Variants in GPBP1 observed in about 807,000 individuals in gnomAD.
GPBP1 encodes the protein vasculin.
GPBP1 carries 13 observed loss-of-function variants against 56.5 expected under a neutral mutation model. The ratio of observed to expected loss-of-function variants is 0.23; its 90% CI spans 0.15 to 0.37. The LOEUF (loss-of-function observed/expected upper bound fraction) is 0.37. Ranked by LOEUF, GPBP1 falls within the 10% of genes least tolerant of loss-of-function variation. GPBP1 has a pLI of 1.00. For synonymous variants in GPBP1, 204 were observed against 188.9 expected (o/e 1.08, Z -0.66); for missense variants, 477 against 572.3 (o/e 0.83, Z 1.70).
intron 3 of GPBP1, among the ~76,000 whole-genome samples, chr5:57,219,371 G>T (rs1755828489): frequency 1.5e-5 from 1 of 66,800 alleles, no homozygotes; most frequent in Non-Finnish European, 2.4e-5. Flanking sequence ...GCGAGACTCT[G>T]TCTCAAAAAA....
At chr5:57,237,467 G>GT (rs755226317) in intron 6 of GPBP1, 8 of 315,906 alleles carry the variant, frequency 2.5e-5, no homozygotes, top group African/African-American at 4.2e-5. Flanking sequence ...TGGTTCTACT[G>GT]TTTCAGGGTT....
intron 2 of GPBP1, among the ~76,000 whole-genome samples, chr5:57,197,360 CTTTTTT>C (rs34110209): frequency 2.5e-5 from 3 of 119,850 alleles, no homozygotes; most frequent in South Asian, 2.6e-4. Context: ...TATCATTTTG[CTTTTTT>C]TTTTTTTTTT....
chr5:57,188,605 T>C (rs1402481624), intron 2 of GPBP1, among the ~76,000 whole-genome samples: 1 of 151,876 alleles, frequency 6.6e-6, no homozygotes, highest in Non-Finnish European at 1.5e-5. Flanking sequence ...TAGCTGGGCA[T>C]GGTATTGGGT....
Position 57,242,139 on chromosome 5 carries a change from T to A in GPBP1, c.479-4161T>A, listed in dbSNP as rs188685315. Among the ~76,000 whole-genome samples, 898 of 152,316 alleles carry A rather than the reference T, an allele frequency of 5.9e-3. 5 individuals carry two copies. Among genetic ancestry groups the A allele is most frequent in the Middle Eastern group, 0.01 (3 of 294 alleles). On this transcript the variant is annotated intron_variant, in intron 6 of 11. Transcript: ENST00000506184. ...TAGATTGGTTTTATCATGTCTATCT[T>A]AAAGTTTTTCTTTTTCTTACTCTTA... is the stretch of plus-strand genomic sequence containing the variant.
At chr5:57,176,760 C>T (rs139606497) in intron 2 of GPBP1, among the ~76,000 whole-genome samples, 2 of 152,266 alleles carry the variant, frequency 1.3e-5, no homozygotes, top group East Asian at 1.9e-4. Flanking sequence ...CACGTGTCTT[C>T]CTAGCCAGTT....
At chr5:57,215,423 A>G (rs13152971) in intron 3 of GPBP1, among the ~76,000 whole-genome samples, 31,732 of 152,186 alleles carry the variant, frequency 0.21, 4,054 homozygotes, top group Middle Eastern at 0.3. Context: ...TTTGATATCA[A>G]ACCCATCCGT....
chr5:57,237,334 T>A (rs1328107197), intron 6 of GPBP1: 7 of 631,432 alleles, frequency 1.1e-5, no homozygotes, highest in Admixed American at 2.6e-5. Flanking sequence ...GCGTTTGTCA[T>A]ATAAAACTAT....
chr5:57,180,868 A>G (rs1754013076), intron 2 of GPBP1, among the ~76,000 whole-genome samples: 1 of 152,114 alleles, frequency 6.6e-6, no homozygotes, highest in South Asian at 2.1e-4. Flanking sequence ...CAGCCTCTCA[A>G]GTAGCTGGGA....
chr5:57,217,430 G>A (rs966680746), intron 3 of GPBP1, among the ~76,000 whole-genome samples: 1 of 152,114 alleles, frequency 6.6e-6, no homozygotes, highest in Admixed American at 6.5e-5. Context: ...AAATTATCCC[G>A]GTGTGGTGGT....
chr5:57,180,953 G>C (rs1433373514), intron 2 of GPBP1, among the ~76,000 whole-genome samples: 1 of 152,132 alleles, frequency 6.6e-6, no homozygotes, highest in Non-Finnish European at 1.5e-5. Flanking sequence ...TGTTGGTCAG[G>C]CTGGTCTCCA....
At chr5:57,220,406 A>G (rs1435860337) in intron 3 of GPBP1, among the ~76,000 whole-genome samples, 1 of 152,018 alleles carries the variant, frequency 6.6e-6, no homozygotes, top group East Asian at 1.9e-4. Context: ...CCAGTTCTAA[A>G]TTCTGAATTC....
intron 6 of GPBP1, among the ~76,000 whole-genome samples, chr5:57,238,233 A>G (rs1322311469): frequency 6.6e-6 from 1 of 152,172 alleles, no homozygotes; most frequent in Non-Finnish European, 1.5e-5. Flanking sequence ...AGAGTGATGT[A>G]TGTTCAAGTG....
rs1436472584 is a variant in GPBP1 at position 57,175,897 on chromosome 5, C to T, written c.-561C>T. ...TTTTGACTTCAGCTCTTTCATGTCACAATGGGACACTTTTTCTGAATGAAG... is the reference window on the plus strand; with the variant it reads ...TTTTGACTTCAGCTCTTTCATGTCATAATGGGACACTTTTTCTGAATGAAG... On this transcript the variant is annotated 5_prime_UTR_variant, in exon 2 of 12. An upstream open reading frame in the 5' UTR gains an earlier in-frame stop. Transcript: ENST00000506184. 2.5e-6 allele frequency: 1 copy of T among 398,184 alleles called. No homozygotes were observed. Among genetic ancestry groups the T allele is most frequent in the African/African-American group, 2.1e-5 (1 of 48,612 alleles). The allele number at this position is 398,184 out of a possible 1,614,324, so 24.7% of individuals were successfully genotyped here. A position where few individuals can be genotyped will look rare whatever the true frequency, so the allele number is the denominator to read the frequency against.
intron 6 of GPBP1, among the ~76,000 whole-genome samples, chr5:57,241,018 A>C (rs138196737): frequency 6.6e-6 from 1 of 152,242 alleles, no homozygotes; most frequent in Admixed American, 6.5e-5. Context: ...ATATTTGGTC[A>C]TGTCACAGGT....
At chr5:57,256,994 T>C (rs927709052) in intron 10 of GPBP1, among the ~76,000 whole-genome samples, 14 of 152,116 alleles carry the variant, frequency 9.2e-5, no homozygotes, top group Admixed American at 3.9e-4. Flanking sequence ...TAAATACTCA[T>C]ATTAGTTGAA....
chr5:57,247,235 A>G lies in GPBP1; in HGVS notation c.804+20A>G. ...AAAGAGGTATGACATTAAAAATCAC[A>G]CTTGAGGAATGTAACATTTTAATTA... On this transcript the variant is annotated intron_variant, in intron 8 of 11. Coordinates refer to ENST00000506184, the MANE Select transcript of GPBP1 (RefSeq NM_022913.4). 2.5e-6 allele frequency: 4 copies of G among 1,584,490 alleles called. No individual in the cohort carries two copies. Among genetic ancestry groups the G allele is most frequent in the Non-Finnish European group, 3.4e-6 (4 of 1,160,834 alleles).
intron 5 of GPBP1, among the ~76,000 whole-genome samples, chr5:57,233,478 T>TC (rs560011843): frequency 3.0e-4 from 46 of 152,188 alleles, no homozygotes; most frequent in African/African-American, 1.1e-3. Context: ...AACTTTTGGC[T>TC]CCCCCAAAAA....
intron 6 of GPBP1, among the ~76,000 whole-genome samples, chr5:57,237,756 G>A (rs923773611): frequency 6.6e-6 from 1 of 151,872 alleles, no homozygotes; most frequent in Non-Finnish European, 1.5e-5. Flanking sequence ...TGAGGAAGAC[G>A]AGAATTTTAG....
At chr5:57,211,376 C>T (rs778742413) in intron 2 of GPBP1, among the ~76,000 whole-genome samples, 3 of 151,718 alleles carry the variant, frequency 2.0e-5, no homozygotes, top group Admixed American at 1.3e-4. Context: ...TTTGTAGAGA[C>T]GGGAGTCTTA....
Sources: allele counts gnomAD v4.1 joint callset (sites outside exome capture counted in the v4.1 genomes callset), GRCh38; gene constraint gnomAD v4.1.1; transcripts MANE v1.5; gene names NCBI Gene and HGNC (gene_info 2026-07-23, HGNC 2026-07-21).